GALNT17: variants seen among roughly 807,000 people sequenced by gnomAD.
The protein encoded by GALNT17 is UDP-GalNAc:polypeptide N-acetylgalactosaminyltransferase-like 3.
A neutral mutation model predicts 63.7 loss-of-function variants in GALNT17; 29 were observed. The observed-to-expected ratio is 0.46, with a 90% CI of 0.34 to 0.62. The LOEUF (loss-of-function observed/expected upper bound fraction) is 0.62. Ranked by LOEUF, GALNT17 falls within the 20% of genes least tolerant of loss-of-function variation. The pLI, the probability that GALNT17 is intolerant of heterozygous loss-of-function variation, is 0.01. For synonymous variants in GALNT17, 305 were observed against 318.3 expected (o/e 0.96, Z 0.45); for missense variants, 603 against 799.6 (o/e 0.75, Z 2.97).
intron 1 of GALNT17, among the ~76,000 whole-genome samples, chr7:71,294,267 G>A (rs1395004689): frequency 6.6e-6 from 1 of 152,026 alleles, no homozygotes; most frequent in Non-Finnish European, 1.5e-5. Context: ...TGATTTTTGA[G>A]ACTGGATGTT....
chr7:71,621,345 G>C (rs1034518374), intron 6 of GALNT17, among the ~76,000 whole-genome samples: 12 of 152,110 alleles, frequency 7.9e-5, no homozygotes, highest in African/African-American at 2.9e-4. Context: ...TCTCTAAGAA[G>C]AGCATCTATG....
chr7:71,710,624 G>A (rs1181627435), intron 9 of GALNT17, 137 bp from the exon 10 acceptor site: 9 of 995,742 alleles, frequency 9.0e-6, no homozygotes, highest in Non-Finnish European at 1.3e-5. Flanking sequence ...TGGCCTGAGT[G>A]ACAGGCTGGG....
At chr7:71,663,336 T>C (rs1042310221) in intron 6 of GALNT17, among the ~76,000 whole-genome samples, 2 of 152,228 alleles carry the variant, frequency 1.3e-5, no homozygotes, top group African/African-American at 4.8e-5. Flanking sequence ...ATGGTATATC[T>C]TTTCATTCAT....
At chr7:71,256,063 T>A (rs967730101) in intron 1 of GALNT17, among the ~76,000 whole-genome samples, 1 of 152,200 alleles carries the variant, frequency 6.6e-6, no homozygotes, top group African/African-American at 2.4e-5. Context: ...GGAGGCTTCA[T>A]CTGCATGATA....
At chr7:71,516,797 C>T (rs1788452386) in intron 5 of GALNT17, among the ~76,000 whole-genome samples, 1 of 152,196 alleles carries the variant, frequency 6.6e-6, no homozygotes, top group South Asian at 2.1e-4. Context: ...AGCAGCATCT[C>T]TGCTCTAACT....
At chr7:71,134,333 A>C (rs1298338533) in intron 1 of GALNT17, among the ~76,000 whole-genome samples, 1 of 152,212 alleles carries the variant, frequency 6.6e-6, no homozygotes. Flanking sequence ...GTGGAATTGC[A>C]AATACAGACA....
At position 71,364,108 on chromosome 7, in the gene GALNT17, G is replaced by T. The variant is rs528805317; in HGVS notation, c.423-24127G>T. 2.6e-5 allele frequency among the ~76,000 whole-genome samples: 4 copies of T among 152,188 alleles called. No individual in the cohort carries two copies. The East Asian group carries it at 7.7e-4, about 29-fold the overall frequency. The stretch of plus-strand genomic sequence containing the variant: ...GATGATTTGGGTGCACCCATCACCC[G>T]AGCAGTATATACAGCACCCTATTTG... On this transcript the variant is annotated intron_variant, in intron 2 of 10. Coordinates refer to ENST00000333538, the MANE Select transcript of GALNT17 (RefSeq NM_022479.3).
chr7:71,277,015 T>G (rs542290524), intron 1 of GALNT17, among the ~76,000 whole-genome samples: 30 of 151,884 alleles, frequency 2.0e-4, no homozygotes, highest in South Asian at 1.0e-3. Context: ...AATAAATAAA[T>G]AAAGAAATAA....
intron 5 of GALNT17, among the ~76,000 whole-genome samples, chr7:71,422,465 G>C (rs1263092437): frequency 6.6e-6 from 1 of 152,226 alleles, no homozygotes; most frequent in African/African-American, 2.4e-5. Context: ...TCTGGAACCT[G>C]TGAATGGTCC....
chr7:71,614,446 T>C (rs986056060), intron 6 of GALNT17, among the ~76,000 whole-genome samples: 3 of 152,086 alleles, frequency 2.0e-5, no homozygotes, highest in Admixed American at 6.6e-5. Context: ...CTAGGTAACA[T>C]AGCAAGATCT....
At position 71,620,815 on chromosome 7, in the gene GALNT17, A is replaced by G. The variant is rs909886652; in HGVS notation, c.1081-44596A>G. ...GTGTCAAGTTTCTGCTGACCTCTTC[A>G]GCTATTCTGGTTGTCATTTTTTTTT... On this transcript the variant is annotated intron_variant, in intron 6 of 10. Coordinates refer to ENST00000333538, the MANE Select transcript of GALNT17 (RefSeq NM_022479.3). Among the ~76,000 whole-genome samples the G allele has an allele frequency of 6.6e-5, 10 of 152,132 alleles. No individual in the cohort carries two copies. In the South Asian group the frequency reaches 2.1e-3, roughly 32 times the overall value.
chr7:71,178,694 A>G (rs1273182710), intron 1 of GALNT17, among the ~76,000 whole-genome samples: 1 of 151,896 alleles, frequency 6.6e-6, no homozygotes, highest in East Asian at 1.9e-4. Context: ...GTTAGTGTAT[A>G]TTTTACTTCT....
intron 1 of GALNT17, among the ~76,000 whole-genome samples, chr7:71,301,251 C>T (rs1791190774): frequency 6.6e-6 from 1 of 151,608 alleles, no homozygotes; most frequent in Non-Finnish European, 1.5e-5. Flanking sequence ...CGCTCCACTA[C>T]ACTCCAGCCT....
intron 6 of GALNT17, among the ~76,000 whole-genome samples, chr7:71,621,576 T>TGGAG (rs1790296113): frequency 6.6e-6 from 1 of 151,670 alleles, no homozygotes; most frequent in African/African-American, 2.4e-5. Context: ...GATGGATGGA[T>TGGAG]GGATGGATGG....
chr7:71,263,124 C>G (rs1293000934), intron 1 of GALNT17, among the ~76,000 whole-genome samples: 1 of 152,148 alleles, frequency 6.6e-6, no homozygotes, highest in Non-Finnish European at 1.5e-5. Context: ...CTTTGGGAGG[C>G]TGAGGCAGGC....
rs917639909 is a variant in GALNT17, at chr7:71,532,778, G to A, written c.963-38507G>A. ...AAATCCTTCTACTCTCATGTGGGGA[G>A]GAACAAAGGAATTAAAAAAGTAGAT... On this transcript the variant is annotated intron_variant, in intron 5 of 10. Transcript: ENST00000333538. 2.6e-5 allele frequency among the ~76,000 whole-genome samples: 4 copies of A among 152,224 alleles called. 1 individual carries two copies. The East Asian group carries it at 7.7e-4, about 29-fold the overall frequency.
intron 2 of GALNT17, among the ~76,000 whole-genome samples, chr7:71,352,814 G>C (rs1368461472): frequency 6.6e-6 from 1 of 152,094 alleles, no homozygotes; most frequent in Non-Finnish European, 1.5e-5. Flanking sequence ...TAATGAAGCA[G>C]GTAGAAATCC....
intron 5 of GALNT17, among the ~76,000 whole-genome samples, chr7:71,541,273 G>A (rs1562682895): frequency 6.6e-6 from 1 of 151,536 alleles, no homozygotes; most frequent in Admixed American, 6.6e-5. Context: ...CGTATGATGG[G>A]TGGCCTGGCC....
intron 1 of GALNT17, among the ~76,000 whole-genome samples, chr7:71,233,212 G>T (rs1789826402): frequency 2.0e-5 from 3 of 152,140 alleles, no homozygotes; most frequent in Non-Finnish European, 4.4e-5. Flanking sequence ...GAGTCTATGA[G>T]TTATTGAGCT....
Sources: allele counts gnomAD v4.1 joint callset (sites outside exome capture counted in the v4.1 genomes callset), GRCh38; gene constraint gnomAD v4.1.1; transcripts MANE v1.5; gene names NCBI Gene and HGNC (gene_info 2026-07-23, HGNC 2026-07-21).